Variants in KYNU observed in about 807,000 individuals in gnomAD.
The protein encoded by KYNU is L-kynurenine hydrolase.
In KYNU, 54 loss-of-function variants were observed where a neutral mutation model predicts 59.2. That is an observed-to-expected ratio of 0.91 (90% CI 0.73 to 1.14). KYNU has a LOEUF of 1.14. Among genes scored for constraint, KYNU ranks in the 50% most tolerant of loss-of-function variants. The probability of loss-of-function intolerance (pLI) is 0.00; values close to 1 mark genes in which losing one functional copy is unlikely to be tolerated. For missense variants in KYNU, 567 were observed against 554.4 expected, an observed-to-expected ratio of 1.02 and a Z score of -0.23; for synonymous variants, 177 against 192.0, an observed-to-expected ratio of 0.92 and a Z score of 0.65.
intron 7 of KYNU, among the ~76,000 whole-genome samples, chr2:142,960,192 C>CT (rs1393256203): frequency 2.0e-5 from 3 of 152,070 alleles, no homozygotes; most frequent in African/African-American, 7.2e-5. Context: ...GGCATGTTTT[C>CT]TTTTTTTGGA....
chr2:143,042,222 T>A lies in KYNU; in HGVS notation c.*50T>A. 6.4e-7 allele frequency: 1 copy of A among 1,562,072 alleles called. No homozygotes were observed. Reference sequence around the variant, plus strand: ...CAAATTATACTGAAAGCTGCTGTGGTTATTTCAGTATTATTCGATTTTTAA... The same window carrying A: ...CAAATTATACTGAAAGCTGCTGTGGATATTTCAGTATTATTCGATTTTTAA... On this transcript the variant is annotated 3_prime_UTR_variant, in exon 14 of 14. Coordinates refer to ENST00000264170, the MANE Select transcript of KYNU (RefSeq NM_003937.3).
chr2:143,044,939 C>G lies in KYNU; in HGVS notation c.*2767C>G, dbSNP rs1330313172. The G allele has an allele frequency of 1.9e-5, 2 of 106,594 alleles. No homozygotes were observed. Among genetic ancestry groups the G allele is most frequent in the Non-Finnish European group, 4.3e-5 (2 of 46,620 alleles). The allele number at this position is 106,594 out of a possible 1,614,324, so 6.6% of individuals were successfully genotyped here. On this transcript the variant is annotated 3_prime_UTR_variant, in exon 14 of 14. Transcript: ENST00000264170. ...TCCTGAATGGTATTGCCTAGATATTCTTCTAGGGTTTTTTTTTTGGCTTTA... is the reference window on the plus strand; with the variant it reads ...TCCTGAATGGTATTGCCTAGATATTGTTCTAGGGTTTTTTTTTTGGCTTTA...
At chr2:142,950,302 T>C (rs1306074916) in intron 4 of KYNU, among the ~76,000 whole-genome samples, 2 of 152,226 alleles carry the variant, frequency 1.3e-5, no homozygotes, top group African/African-American at 2.4e-5. Flanking sequence ...TTTTCAGCAA[T>C]GTCCCATTCT....
At chr2:142,900,448 T>C (rs1182818670) in intron 2 of KYNU, among the ~76,000 whole-genome samples, 1 of 152,196 alleles carries the variant, frequency 6.6e-6, no homozygotes, top group African/African-American at 2.4e-5. Flanking sequence ...CTCAAATGCC[T>C]GGGTTTATAT....
rs948383547 is a variant in KYNU, at chr2:142,916,432, G to T, written c.170-2177G>T. ...ATCATAACAAAAAAGAGGAATTGCA[G>T]CAGAGACTGTATGGCTTGGAAAGCC... On this transcript the variant is annotated intron_variant, in intron 2 of 13. Transcript: ENST00000264170. Among the ~76,000 whole-genome samples the T allele has an allele frequency of 2.6e-5, 4 of 152,168 alleles. No homozygotes were observed. In the East Asian group the frequency reaches 7.7e-4, roughly 29 times the overall value.
At chr2:142,973,326 C>G (rs1684788617) in intron 8 of KYNU, among the ~76,000 whole-genome samples, 1 of 152,170 alleles carries the variant, frequency 6.6e-6, no homozygotes, top group East Asian at 1.9e-4. Context: ...GCCTAAATGT[C>G]AATAAGCATC....
chr2:142,945,434 C>A (rs1285479426), intron 4 of KYNU, among the ~76,000 whole-genome samples: 1 of 152,190 alleles, frequency 6.6e-6, no homozygotes, highest in Non-Finnish European at 1.5e-5. Flanking sequence ...TATGAGATTG[C>A]AACAATTCAG....
At chr2:142,903,644 C>G (rs569497489) in intron 2 of KYNU, among the ~76,000 whole-genome samples, 181 of 152,146 alleles carry the variant, frequency 1.2e-3, no homozygotes, top group Non-Finnish European at 2.1e-3. Flanking sequence ...TTAAGCATAC[C>G]CGGGGCTCTG....
chr2:143,039,497 T>C (rs982760448), intron 12 of KYNU, among the ~76,000 whole-genome samples: 2 of 152,170 alleles, frequency 1.3e-5, no homozygotes, highest in East Asian at 1.9e-4. Context: ...TACTTGATTA[T>C]ACTAACTTAA....
At chr2:142,884,318 C>A (rs78505370) in intron 1 of KYNU, among the ~76,000 whole-genome samples, 2,447 of 152,218 alleles carry the variant, frequency 0.016, 65 homozygotes, top group African/African-American at 0.056. Context: ...TTACCTTTTC[C>A]ATGAATATGG....
At chr2:142,931,147 C>T (rs1362428039) in intron 4 of KYNU, among the ~76,000 whole-genome samples, 3 of 152,214 alleles carry the variant, frequency 2.0e-5, no homozygotes, top group Non-Finnish European at 4.4e-5. Context: ...TGGCGCACGC[C>T]GCTGACGTAA....
At chr2:142,916,738 T>G (rs76215059) in intron 2 of KYNU, among the ~76,000 whole-genome samples, 1 of 152,156 alleles carries the variant, frequency 6.6e-6, no homozygotes, top group African/African-American at 2.4e-5. Flanking sequence ...AGGAAGACTT[T>G]CCAGGGAATA....
At chr2:142,949,765 G>T (rs977934297) in intron 4 of KYNU, among the ~76,000 whole-genome samples, 2 of 152,142 alleles carry the variant, frequency 1.3e-5, no homozygotes. Context: ...TTGTCTTGGG[G>T]ATTAACATTC....
chr2:143,048,605 TA>T lies in KYNU; in HGVS notation c.*6434del, dbSNP rs1415247753. The T allele has an allele frequency of 6.6e-6, 1 of 152,232 alleles. No homozygotes were observed. The highest frequency in any genetic ancestry group is 1.5e-5 in the Non-Finnish European group (1 of 68,032). The allele number at this position is 152,232 out of a possible 1,614,324, so 9.4% of individuals were successfully genotyped here. On this transcript the variant is annotated 3_prime_UTR_variant, in exon 14 of 14. Coordinates refer to ENST00000264170, the MANE Select transcript of KYNU (RefSeq NM_003937.3). ...AAAAACTTTTAGTGGTAAATTGTAT[TA>T]GTCTTTGGGAAAAAACATTTATTGA... is the stretch of plus-strand genomic sequence containing the variant.
intron 4 of KYNU, among the ~76,000 whole-genome samples, chr2:142,939,985 C>T (rs1215157379): frequency 3.9e-5 from 6 of 152,200 alleles, no homozygotes; most frequent in Non-Finnish European, 5.9e-5. Flanking sequence ...CAAGAATCTC[C>T]TCCCACACCA....
intron 4 of KYNU, among the ~76,000 whole-genome samples, chr2:142,941,174 A>G (rs1313544182): frequency 6.6e-6 from 1 of 152,168 alleles, no homozygotes; most frequent in Non-Finnish European, 1.5e-5. Context: ...GCAGCCCCCC[A>G]TAGTGAGATG....
chr2:142,877,839 A>C (rs1681148798), intron 1 of KYNU, 103 bp downstream of exon 1: 1 of 152,142 alleles, frequency 6.6e-6, no homozygotes, highest in Admixed American at 6.5e-5. Context: ...AGTGTTTTAG[A>C]GGTTTTTTTC....
chr2:142,976,721 A>G (rs926795368), intron 8 of KYNU, among the ~76,000 whole-genome samples: 2 of 152,152 alleles, frequency 1.3e-5, no homozygotes, highest in Non-Finnish European at 2.9e-5. Context: ...TTAAGAACAT[A>G]CCCATGACAC....
chr2:143,007,020 G>A (rs199534256), intron 10 of KYNU, among the ~76,000 whole-genome samples: 5 of 151,958 alleles, frequency 3.3e-5, no homozygotes, highest in Admixed American at 6.5e-5. Context: ...CCAAAGGAAC[G>A]CAGTTCTTCA....
Sources: gnomAD v4.1 joint callset for allele counts (sites outside exome capture counted in the v4.1 genomes callset) on GRCh38, gnomAD v4.1.1 for gene constraint, MANE v1.5 for transcripts, NCBI Gene and HGNC (gene_info 2026-07-23, HGNC 2026-07-21) for gene names.